NME9: variants seen among roughly 807,000 people sequenced by gnomAD.
NME9 encodes the protein NME/NM23 family member 9, also known as thioredoxin domain-containing protein 6.
Under a neutral mutation model 44.4 loss-of-function variants are expected in NME9, and 48 were observed. The observed-to-expected ratio is 1.08, with a 90% confidence interval of 0.86 to 1.37. NME9 has a LOEUF of 1.37. NME9 is among the 40% of genes most tolerant of loss of function. The pLI, the probability that NME9 is intolerant of heterozygous loss-of-function variation, is 0.00. For synonymous variants in NME9, 139 were observed against 147.1 expected (o/e 0.94, Z 0.40); for missense variants, 325 against 405.2 (o/e 0.80, Z 1.70).
intron 6 of NME9, 97 bp downstream of exon 6, chr3:138,314,230 TAGTTC>T (rs1169463463): frequency 1.6e-5 from 10 of 611,272 alleles, no homozygotes; most frequent in Admixed American, 2.9e-5. Context: ...AATCTTCTCA[TAGTTC>T]AGATTGCTCA....
rs1440120166 is a variant in NME9, at chr3:138,318,219, C to T, written c.196G>A (p.Ala66Thr). 1.4e-5 allele frequency: 22 copies of T among 1,609,366 alleles called. No homozygotes were observed. Among genetic ancestry groups the T allele is most frequent in the Non-Finnish European group, 1.8e-5 (21 of 1,175,710 alleles). ...VGLDLLHFAL[A>T]EADRLDVLEK... ...AGGACATCAAGACGATCTGCCTCTG[C>T]CTAAAGAAAGCCACTATCAGCAGGT... The change falls in exon 4 of 11, where the codon GCA becomes ACA. Residue 66 changes from alanine (A) to threonine (T), a missense_variant and splice_region_variant. Coordinates refer to ENST00000333911, the MANE Select transcript of NME9 (RefSeq NM_001349018.2).
At chr3:138,304,810 G>A in intron 9 of NME9, 63 bp downstream of exon 9, 2 of 1,502,738 alleles carry the variant, frequency 1.3e-6, no homozygotes, top group Admixed American at 1.7e-5. Context: ...ACACTGAGTG[G>A]GACTCAGCCT....
intron 8 of NME9, among the ~76,000 whole-genome samples, chr3:138,267,657 G>A (rs2048396275): frequency 6.6e-6 from 1 of 152,144 alleles, no homozygotes; most frequent in Non-Finnish European, 1.5e-5. Flanking sequence ...ATCTTTTGAT[G>A]TTTAATGTTA....
At chr3:138,276,595 G>T (rs996347132) in intron 8 of NME9, among the ~76,000 whole-genome samples, 12 of 152,172 alleles carry the variant, frequency 7.9e-5, no homozygotes, top group African/African-American at 2.9e-4. Flanking sequence ...AAGGTCACAA[G>T]ATAGAAAAGG....
At position 138,303,570 on chromosome 3, in the gene NME9, T is replaced by C; in HGVS notation, c.865A>G (p.Arg289Gly). 6.2e-7 allele frequency: 1 copy of C among 1,613,672 alleles called. No homozygotes were observed. Among genetic ancestry groups the C allele is most frequent in the South Asian group, 1.1e-5 (1 of 91,082 alleles). ...CTGGGGAAGAGCAATGCCAGTTCTC[T>C]GTCAGCATCTTCTCTGTCCCGGCTT... The part of the protein sequence containing the change: ...HGSRDREDAD[R>G]ELALLFPSLK... Residue 289 changes from arginine (R) to glycine (G), a missense_variant, in exon 10 of 11, where the codon AGA becomes GGA. By Grantham distance (125) the Arg-to-Gly change is moderately radical. Transcript: ENST00000333911.
intron 8 of NME9, among the ~76,000 whole-genome samples, chr3:138,284,022 A>G (rs1261460215): frequency 6.6e-6 from 1 of 152,216 alleles, no homozygotes; most frequent in Non-Finnish European, 1.5e-5. Context: ...GGGGAGTTGC[A>G]ACACCTACAG....
chr3:138,279,989 T>C (rs981002952), intron 8 of NME9, among the ~76,000 whole-genome samples: 14 of 151,288 alleles, frequency 9.3e-5, no homozygotes, highest in African/African-American at 3.4e-4. Flanking sequence ...CTGCAACCTC[T>C]GCCTCCCGGG....
intron 2 of NME9, among the ~76,000 whole-genome samples, chr3:138,320,531 T>G (rs994131596): frequency 6.6e-6 from 1 of 152,244 alleles, no homozygotes; most frequent in African/African-American, 2.4e-5. Flanking sequence ...TTATTGCAGA[T>G]TCACATTTCA....
chr3:138,283,432 A>G (rs955921987), intron 8 of NME9, among the ~76,000 whole-genome samples: 1 of 152,206 alleles, frequency 6.6e-6, no homozygotes, highest in Non-Finnish European at 1.5e-5. Flanking sequence ...TAACCCTTGC[A>G]GTATCCAACA....
At chr3:138,322,713 A>G (rs886739886) in intron 2 of NME9, among the ~76,000 whole-genome samples, 20 of 152,180 alleles carry the variant, frequency 1.3e-4, no homozygotes, top group African/African-American at 4.8e-4. Context: ...AGACTGCCTG[A>G]TGAGAAGGAG....
At chr3:138,268,410 G>A (rs2108286739) in intron 8 of NME9, among the ~76,000 whole-genome samples, 1 of 152,234 alleles carries the variant, frequency 6.6e-6, no homozygotes, top group Non-Finnish European at 1.5e-5. Context: ...CGGGGTCTTG[G>A]CCTGATGATA....
At chr3:138,320,810 C>T (rs951329621) in intron 2 of NME9, among the ~76,000 whole-genome samples, 5 of 152,098 alleles carry the variant, frequency 3.3e-5, no homozygotes, top group African/African-American at 7.2e-5. Context: ...CAGACCTGCC[C>T]GAGATGGTGT....
chr3:138,286,559 G>C (rs1361049588), intron 8 of NME9, among the ~76,000 whole-genome samples: 1 of 152,266 alleles, frequency 6.6e-6, no homozygotes, highest in East Asian at 1.9e-4. Flanking sequence ...GCTCTCCTGA[G>C]ATCAGCAGAT....
intron 8 of NME9, chr3:138,274,393 A>G (rs770412952): frequency 4.8e-5 from 57 of 1,187,250 alleles, no homozygotes; most frequent in Non-Finnish European, 6.5e-5. Flanking sequence ...GAAGCCTTGT[A>G]TTCGTCCTGT....
intron 8 of NME9, chr3:138,274,560 C>G: frequency 6.4e-7 from 1 of 1,566,612 alleles, no homozygotes; most frequent in Non-Finnish European, 8.8e-7. Flanking sequence ...TTGTTCCTTT[C>G]TCTTGGGGAA....
At chr3:138,295,197 C>T (rs2051363792) in intron 8 of NME9, among the ~76,000 whole-genome samples, 1 of 152,190 alleles carries the variant, frequency 6.6e-6, no homozygotes. Context: ...CAGCACCCGG[C>T]CTACATTCTA....
intron 6 of NME9, among the ~76,000 whole-genome samples, chr3:138,312,213 A>G (rs2052748319): frequency 6.6e-6 from 1 of 152,202 alleles, no homozygotes; most frequent in Admixed American, 6.5e-5. Context: ...TTACAGATTC[A>G]ATGCAATCCC....
At chr3:138,290,631 T>A in intron 8 of NME9, 4 of 1,597,874 alleles carry the variant, frequency 2.5e-6, no homozygotes, top group Non-Finnish European at 3.4e-6. Flanking sequence ...ATTCAAACCT[T>A]TGTGACAAGT....
intron 6 of NME9, among the ~76,000 whole-genome samples, chr3:138,308,650 C>T (rs1354431766): frequency 1.3e-5 from 2 of 152,098 alleles, no homozygotes; most frequent in Non-Finnish European, 2.9e-5. Context: ...TCATTGCTTT[C>T]GATTATTGGT....
Sources: allele counts gnomAD v4.1 joint callset (sites outside exome capture counted in the v4.1 genomes callset), GRCh38; gene constraint gnomAD v4.1.1; transcripts MANE v1.5; gene names NCBI Gene and HGNC (gene_info 2026-07-23, HGNC 2026-07-21).